IDNK: variants seen among roughly 807,000 people sequenced by gnomAD.
IDNK encodes IDNK gluconokinase, also known as gluconokinase.
IDNK carries 9 observed loss-of-function variants against 13.0 expected under a neutral mutation model. The ratio of observed to expected loss-of-function variants is 0.69; its 90% CI spans 0.42 to 1.21. The LOEUF is 1.21. Ranked by LOEUF, IDNK falls within the 50% of genes most tolerant of loss-of-function variation. The probability of loss-of-function intolerance (pLI) is 0.00; values close to 1 mark genes in which losing one functional copy is unlikely to be tolerated. For synonymous variants in IDNK, 92 were observed against 94.9 expected, an observed-to-expected ratio of 0.97 and a Z score of 0.18; for missense variants, 210 against 237.8, an observed-to-expected ratio of 0.88 and a Z score of 0.77.
Position 83,643,740 on chromosome 9 carries a change from A to C in IDNK, c.524A>C (p.Glu175Ala). 6.2e-7 allele frequency: 1 copy of C among 1,612,270 alleles called. No homozygotes were observed. The highest frequency in any genetic ancestry group is 8.5e-7 in the Non-Finnish European group (1 of 1,179,664). The part of the protein sequence containing the change: ...IQISVDKNVS[E>A]IIATIMETLK... ...ATAAGTGTGGACAAAAATGTTTCAG[A>C]GATAATTGCTACAATTATGGAAACC... Residue 175 changes from glutamate (E) to alanine (A), a missense_variant, in exon 5 of 5, where the codon GAG (glutamate) becomes GCG (alanine). By Grantham distance (107) the Glu-to-Ala change is moderately radical. Transcript: ENST00000376419.
chr9:83,639,468 G>A (rs1392156046), intron 3 of IDNK, among the ~76,000 whole-genome samples: 1 of 152,250 alleles, frequency 6.6e-6, no homozygotes, highest in Admixed American at 6.5e-5. Context: ...AGGATCTCCT[G>A]AGGGCTGTGT....
chr9:83,628,966 A>G lies in IDNK; in HGVS notation c.168+7A>G, dbSNP rs768774256. 2.9e-5 allele frequency: 46 copies of G among 1,608,898 alleles called. No individual in the cohort carries two copies. The South Asian group carries it at 4.9e-4, about 17-fold the overall frequency. ...CATACCGCTCAATGACCAGGTAACAATTGCTGTCTGTGTCCATCACACATA... is the reference window on the plus strand; with the variant it reads ...CATACCGCTCAATGACCAGGTAACAGTTGCTGTCTGTGTCCATCACACATA... On this transcript the variant is annotated splice_region_variant and intron_variant, in intron 3 of 4. Coordinates refer to ENST00000376419, the MANE Select transcript of IDNK (RefSeq NM_001001551.4).
chr9:83,623,179 C>T lies in IDNK; in HGVS notation c.8C>T (p.Ala3Val). 5 of 1,399,892 alleles carry T rather than the reference C, an allele frequency of 3.6e-6. No homozygotes were observed. Among genetic ancestry groups the T allele is most frequent in the South Asian group, 1.6e-5 (1 of 61,130 alleles). 86.7% of individuals were successfully genotyped at this position (1,399,892 alleles called of 1,614,324 possible). ...AGGAGCCGAGCTTGGGTTATGGCGG[C>T]GCCGGGCGCGCTGCTGGTGATGGGC... MAAPGALLVMGVS... is the reference protein window; with the variant it reads MAVPGALLVMGVS... Residue 3 changes from alanine to valine, a missense_variant, in exon 1 of 5, where the codon GCG becomes GTG. Coordinates refer to ENST00000376419, the MANE Select transcript of IDNK (RefSeq NM_001001551.4).
At chr9:83,638,962 C>G (rs1831231130) in intron 3 of IDNK, among the ~76,000 whole-genome samples, 1 of 152,138 alleles carries the variant, frequency 6.6e-6, no homozygotes, top group South Asian at 2.1e-4. Flanking sequence ...ATAAATGCAT[C>G]AAGCCTGACA....
At chr9:83,623,533 T>G in intron 1 of IDNK, 3 of 329,896 alleles carry the variant, frequency 9.1e-6, no homozygotes, top group Admixed American at 5.6e-5. Flanking sequence ...GGTGGAGGCC[T>G]AGCGAGCGGC....
At chr9:83,624,994 C>T (rs1007292393) in intron 1 of IDNK, among the ~76,000 whole-genome samples, 31 of 151,380 alleles carry the variant, frequency 2.0e-4, no homozygotes, top group African/African-American at 6.6e-4. Flanking sequence ...GGATTACAGG[C>T]GTGAGCCACC....
chr9:83,643,168 T>C (rs1049325654), intron 4 of IDNK, among the ~76,000 whole-genome samples: 5 of 152,214 alleles, frequency 3.3e-5, no homozygotes, highest in Admixed American at 6.5e-5. Context: ...GACAGATCTA[T>C]GGGCAAGTAC....
chr9:83,635,647 C>A (rs1028068218), intron 3 of IDNK, among the ~76,000 whole-genome samples: 1 of 152,236 alleles, frequency 6.6e-6, no homozygotes, highest in African/African-American at 2.4e-5. Context: ...CCTTACACAT[C>A]GCTGCCCCTT....
At position 83,632,722 on chromosome 9, in the gene IDNK, C is replaced by A. The variant is rs139899971; in HGVS notation, c.168+3763C>A. On this transcript the variant is annotated intron_variant, in intron 3 of 4. Coordinates refer to ENST00000376419, the MANE Select transcript of IDNK (RefSeq NM_001001551.4). Reference sequence around the variant, plus strand: ...AAACCTTGAACATCAGAGCCATAGGCAGAGATGCTAATTTGGATTGTCTCA... The same window carrying A: ...AAACCTTGAACATCAGAGCCATAGGAAGAGATGCTAATTTGGATTGTCTCA... 1.8e-3 allele frequency among the ~76,000 whole-genome samples: 267 copies of A among 152,272 alleles called. 1 individual carries two copies. The highest frequency in any genetic ancestry group is 3.1e-3 in the Non-Finnish European group (208 of 68,022).
At chr9:83,642,750 C>G (rs1020220961) in intron 4 of IDNK, among the ~76,000 whole-genome samples, 3 of 152,174 alleles carry the variant, frequency 2.0e-5, no homozygotes, top group African/African-American at 7.2e-5. Flanking sequence ...GGCTCACTCT[C>G]CTGTGTGGTC....
At chr9:83,642,154 G>T (rs1368539484) in intron 4 of IDNK, among the ~76,000 whole-genome samples, 1 of 144,024 alleles carries the variant, frequency 6.9e-6, no homozygotes, top group African/African-American at 2.6e-5. Flanking sequence ...GAGCGAACAG[G>T]GTCCCCCCCC....
At chr9:83,624,055 T>C (rs139815084) in intron 1 of IDNK, among the ~76,000 whole-genome samples, 3 of 152,216 alleles carry the variant, frequency 2.0e-5, no homozygotes, top group Admixed American at 2.0e-4. Context: ...TAGTCAGGTG[T>C]ATATTAAAGA....
chr9:83,623,049 G>T (rs1295509430), upstream of IDNK: 7 of 632,780 alleles, frequency 1.1e-5, no homozygotes, highest in African/African-American at 1.9e-5. Context: ...AAAACGGGGA[G>T]GGCGCAGAGG....
chr9:83,637,856 G>C (rs776097433), intron 3 of IDNK, among the ~76,000 whole-genome samples: 1 of 152,066 alleles, frequency 6.6e-6, no homozygotes, highest in Non-Finnish European at 1.5e-5. Flanking sequence ...CCTCATATAA[G>C]GGCTGTCTTT....
rs201898789 is a variant in IDNK at position 83,628,911 on chromosome 9, G to A, written c.120G>A (p.Pro40=). 4.9e-5 allele frequency: 79 copies of A among 1,614,050 alleles called. No homozygotes were observed. Among genetic ancestry groups the A allele is most frequent in the South Asian group, 1.1e-4 (10 of 91,076 alleles). The change falls in exon 3 of 5, where the codon CCG becomes CCA. Residue 40 remains proline, a synonymous_variant. Transcript: ENST00000376419. The stretch of plus-strand genomic sequence containing the variant: ...TCTATGATGCTGATGATTATCACCC[G>A]GAGGAAAATCGAAGGAAGATGGGAA... The part of the protein sequence containing the change: ...WKFYDADDYH[P]EENRRKMGKG...
chr9:83,628,010 A>C (rs1830907418), intron 1 of IDNK, 171 bp from the exon 2 acceptor site: 2 of 1,429,624 alleles, frequency 1.4e-6, no homozygotes, highest in Non-Finnish European at 1.8e-6. Context: ...GGATCAGCTA[A>C]GGCCAGTCTC....
At chr9:83,627,408 G>A (rs904808986) in intron 1 of IDNK, among the ~76,000 whole-genome samples, 1 of 152,150 alleles carries the variant, frequency 6.6e-6, no homozygotes, top group African/African-American at 2.4e-5. Context: ...ATAAAGAAAT[G>A]AAATGTAGGT....
intron 3 of IDNK, among the ~76,000 whole-genome samples, chr9:83,634,019 C>A (rs145152235): frequency 3.9e-5 from 6 of 152,222 alleles, no homozygotes; most frequent in South Asian, 2.1e-4. Flanking sequence ...GTGGTCATGA[C>A]GGCACTGACA....
At chr9:83,625,459 T>C (rs1296723887) in intron 1 of IDNK, among the ~76,000 whole-genome samples, 2 of 152,182 alleles carry the variant, frequency 1.3e-5, no homozygotes, top group East Asian at 3.8e-4. Flanking sequence ...ATCTAAGGTG[T>C]TGAGATCACC....
Sources: allele counts gnomAD v4.1 joint callset (sites outside exome capture counted in the v4.1 genomes callset), GRCh38; gene constraint gnomAD v4.1.1; transcripts MANE v1.5; gene names NCBI Gene and HGNC (gene_info 2026-07-23, HGNC 2026-07-21).